Variants in LAMA2 observed in about 807,000 individuals in gnomAD.
The protein encoded by LAMA2 is laminin subunit alpha-2.
LAMA2 carries 269 observed loss-of-function variants against 364.8 expected under a neutral mutation model. That is an observed-to-expected ratio of 0.74 (90% confidence interval 0.67 to 0.82). The LOEUF (loss-of-function observed/expected upper bound fraction) is 0.82, where lower values mean the gene tolerates loss of function less well. Among genes scored for constraint, LAMA2 ranks in the 40% least tolerant of loss-of-function variants. The probability of loss-of-function intolerance (pLI) is 0.00; values close to 1 mark genes in which losing one functional copy is unlikely to be tolerated. For missense variants in LAMA2, 3,807 were observed against 3,873.2 expected (o/e 0.98, Z 0.45); for synonymous variants, 1,379 against 1,370.6 (o/e 1.01, Z -0.14).
chr6:129,320,478 T>C (rs1774897767), intron 27 of LAMA2, 60 bp from the exon 28 acceptor site: 1 of 958,968 alleles, frequency 1.0e-6, no homozygotes, highest in South Asian at 1.3e-5. Context: ...GGATTGATTG[T>C]TTACTAGGTG....
At chr6:129,361,144 A>G (rs1024270177) in intron 32 of LAMA2, among the ~76,000 whole-genome samples, 2 of 152,254 alleles carry the variant, frequency 1.3e-5, no homozygotes, top group Non-Finnish European at 2.9e-5. Flanking sequence ...TGGAGGTGAA[A>G]AAAGAGCAAA....
chr6:129,094,040 AG>A (rs1775017983), intron 3 of LAMA2, among the ~76,000 whole-genome samples: 1 of 152,210 alleles, frequency 6.6e-6, no homozygotes, highest in African/African-American at 2.4e-5. Context: ...AATGAAAACA[AG>A]ACACAGTTAA....
intron 3 of LAMA2, among the ~76,000 whole-genome samples, chr6:129,069,124 C>A (rs922033402): frequency 3.4e-4 from 51 of 151,644 alleles, no homozygotes; most frequent in African/African-American, 1.2e-3. Flanking sequence ...AAAAAAAGAA[C>A]AATAATACAT....
rs147858586 is a variant in LAMA2 at position 129,385,310 on chromosome 6, G to GGGAA, written c.5071+2100_5071+2103dup. Among the ~76,000 whole-genome samples the GGGAA allele has an allele frequency of 3.1e-3, 438 of 139,804 alleles. 1 individual carries two copies. The highest frequency in any genetic ancestry group is 4.3e-3 in the Admixed American group (61 of 14,080). 91.7% of individuals were successfully genotyped at this position (139,804 alleles called of 152,430 possible). On this transcript the variant is annotated intron_variant, in intron 35 of 64. Transcript: ENST00000421865. ...GGGAGGGAGGAAGAAAAGAAGAAAAGGGAAGGAAGGAAGGAAGGAAGGAAG... is the reference window on the plus strand; with the variant it reads ...GGGAGGGAGGAAGAAAAGAAGAAAAGGGAAGGAAGGAAGGAAGGAAGGAAGGAAG...
At chr6:129,374,699 TC>T (rs1324766372) in intron 34 of LAMA2, among the ~76,000 whole-genome samples, 106 of 151,460 alleles carry the variant, frequency 7.0e-4, no homozygotes, top group Non-Finnish European at 1.8e-4. Flanking sequence ...TGCTTCAGCC[TC>T]CCAAGTAGCT....
chr6:129,395,447 G>A (rs553855466), intron 37 of LAMA2, among the ~76,000 whole-genome samples: 59 of 152,240 alleles, frequency 3.9e-4, no homozygotes, highest in East Asian at 2.9e-3. Flanking sequence ...CAGCCTCAGC[G>A]TAACCTAGCA....
chr6:128,913,474 A>G (rs978220762), intron 1 of LAMA2, among the ~76,000 whole-genome samples: 8 of 152,208 alleles, frequency 5.3e-5, no homozygotes, highest in Non-Finnish European at 1.2e-4. Flanking sequence ...AACGTAAGCT[A>G]TAACTTTGCT....
At chr6:129,298,167 T>A (rs970021646) in intron 21 of LAMA2, among the ~76,000 whole-genome samples, 1 of 32,378 alleles carries the variant, frequency 3.1e-5, no homozygotes, top group Non-Finnish European at 5.3e-5. Context: ...GAAAGTTAAA[T>A]GTTCGATTTT....
At chr6:129,170,915 T>C (rs2115002797) in intron 9 of LAMA2, among the ~76,000 whole-genome samples, 1 of 151,114 alleles carries the variant, frequency 6.6e-6, no homozygotes, top group South Asian at 2.1e-4. Context: ...ATTGATCCCT[T>C]TACCATTATG....
intron 1 of LAMA2, among the ~76,000 whole-genome samples, chr6:129,004,312 A>G (rs1187531254): frequency 3.0e-5 from 2 of 66,578 alleles, no homozygotes; most frequent in South Asian, 5.6e-4. Flanking sequence ...TAGATGACAC[A>G]TTAGTGGGTG....
chr6:129,279,340 T>C (rs1285756259), intron 17 of LAMA2, among the ~76,000 whole-genome samples: 2 of 152,098 alleles, frequency 1.3e-5, no homozygotes, highest in Non-Finnish European at 2.9e-5. Flanking sequence ...AGCACCTGAG[T>C]TCTCTGTTGG....
chr6:129,306,492 A>T (rs1044510579), intron 22 of LAMA2, among the ~76,000 whole-genome samples: 2 of 151,246 alleles, frequency 1.3e-5, no homozygotes, highest in Non-Finnish European at 3.0e-5. Context: ...GCCCTGTAGG[A>T]TTATAGTTTT....
chr6:129,400,458 A>G (rs1779906134), intron 37 of LAMA2, among the ~76,000 whole-genome samples: 1 of 152,166 alleles, frequency 6.6e-6, no homozygotes, highest in Non-Finnish European at 1.5e-5. Context: ...TGTCTATAGA[A>G]AAAAACTATA....
At chr6:129,009,523 A>G (rs546199991) in intron 1 of LAMA2, among the ~76,000 whole-genome samples, 5 of 152,222 alleles carry the variant, frequency 3.3e-5, no homozygotes, top group Non-Finnish European at 7.3e-5. Flanking sequence ...GTGTGGAGTC[A>G]TTAATTAAGT....
intron 1 of LAMA2, among the ~76,000 whole-genome samples, chr6:128,978,404 G>A (rs993179644): frequency 3.9e-4 from 56 of 142,970 alleles, no homozygotes; most frequent in African/African-American, 1.3e-3. Flanking sequence ...TGCAACATTC[G>A]CCTCCCGGGT....
chr6:129,173,098 GT>G (rs1176949913), intron 9 of LAMA2, among the ~76,000 whole-genome samples: 5 of 152,172 alleles, frequency 3.3e-5, no homozygotes, highest in Non-Finnish European at 4.4e-5. Context: ...GATGAACCCG[GT>G]ACCTCAGATG....
intron 33 of LAMA2, among the ~76,000 whole-genome samples, chr6:129,368,063 C>G (rs192107432): frequency 3.3e-5 from 5 of 152,284 alleles, no homozygotes; most frequent in Non-Finnish European, 5.9e-5. Flanking sequence ...ACATTTAATT[C>G]ATTTAATATC....
chr6:129,237,866 A>G (rs1738577127), intron 12 of LAMA2, among the ~76,000 whole-genome samples: 2 of 152,022 alleles, frequency 1.3e-5, no homozygotes, highest in South Asian at 2.1e-4. Flanking sequence ...TGGGTGAAAA[A>G]TGACATTTTG....
At chr6:129,096,250 A>G (rs1435683608) in intron 3 of LAMA2, among the ~76,000 whole-genome samples, 1 of 152,222 alleles carries the variant, frequency 6.6e-6, no homozygotes, top group East Asian at 1.9e-4. Context: ...GGTTGATGTA[A>G]CATATTCTAT....
Sources: gnomAD v4.1 joint callset for allele counts (sites outside exome capture counted in the v4.1 genomes callset) on GRCh38, gnomAD v4.1.1 for gene constraint, MANE v1.5 for transcripts, NCBI Gene and HGNC (gene_info 2026-07-23, HGNC 2026-07-21) for gene names.